The following MAPK9 variants were observed in gnomAD, a reference collection of about 807,000 sequenced individuals.
The protein encoded by MAPK9 is mitogen-activated protein kinase 9.
A neutral mutation model predicts 57.1 loss-of-function variants in MAPK9; 30 were observed. That is an observed-to-expected ratio of 0.53 (90% CI 0.39 to 0.71). MAPK9 has a LOEUF of 0.71. Among genes scored for constraint, MAPK9 ranks in the 30% least tolerant of loss-of-function variants. MAPK9 has a pLI of 0.00. For missense variants in MAPK9, 362 were observed against 521.0 expected (o/e 0.69, Z 2.97); for synonymous variants, 155 against 177.0 (o/e 0.88, Z 0.99).
At chr5:180,282,206 T>C (rs1581311943) in intron 1 of MAPK9, among the ~76,000 whole-genome samples, 1 of 152,236 alleles carries the variant, frequency 6.6e-6, no homozygotes, top group Non-Finnish European at 1.5e-5. Flanking sequence ...TGCTGCTCCA[T>C]TTTACTGATA....
chr5:180,266,968 G>A (rs943277028), intron 3 of MAPK9, among the ~76,000 whole-genome samples: 1 of 152,160 alleles, frequency 6.6e-6, no homozygotes, highest in African/African-American at 2.4e-5. Flanking sequence ...GCGGCTGGCA[G>A]TCTCTTAAAT....
intron 1 of MAPK9, chr5:180,286,870 G>A (rs946107201): frequency 6.6e-6 from 1 of 152,220 alleles, no homozygotes; most frequent in African/African-American, 2.4e-5. Flanking sequence ...TTTTAATAGT[G>A]CCAAACTAGA....
intron 2 of MAPK9, among the ~76,000 whole-genome samples, chr5:180,271,041 G>C (rs990178348): frequency 2.6e-5 from 4 of 151,858 alleles, no homozygotes; most frequent in Admixed American, 2.6e-4. Flanking sequence ...ATTGATGAGA[G>C]TAGATTTGTT....
At chr5:180,267,283 C>T (rs11750373) in intron 3 of MAPK9, among the ~76,000 whole-genome samples, 16,596 of 151,748 alleles carry the variant, frequency 0.11, 1,000 homozygotes, top group East Asian at 0.16. Flanking sequence ...AAAACAAGTC[C>T]GGGTGCGGTG....
chr5:180,236,743 G>A, intron 11 of MAPK9: 2 of 422,392 alleles, frequency 4.7e-6, no homozygotes, highest in Admixed American at 4.0e-5. Flanking sequence ...TTCCTTGCAA[G>A]ATTCTTCTTT....
rs73811347 is a variant in MAPK9 at position 180,280,657 on chromosome 5, G to A, written c.-47-49C>T. 7.4e-5 allele frequency: 108 copies of A among 1,450,006 alleles called. No homozygotes were observed. The African/African-American group carries it at 1.1e-3, about 15-fold the overall frequency. 89.8% of individuals were successfully genotyped at this position (1,450,006 alleles called of 1,614,324 possible). Reference sequence around the variant, plus strand: ...GTGCATTCTTACCGGAAGTACATACGCAGCTCACGTAAGAGAGTTCTGAAC... The same window carrying A: ...GTGCATTCTTACCGGAAGTACATACACAGCTCACGTAAGAGAGTTCTGAAC... On this transcript the variant is annotated intron_variant, in intron 1 of 11. Coordinates refer to ENST00000452135, the MANE Select transcript of MAPK9 (RefSeq NM_002752.5).
intron 2 of MAPK9, among the ~76,000 whole-genome samples, chr5:180,271,438 ACCT>A (rs929793064): frequency 1.1e-4 from 17 of 151,676 alleles, no homozygotes; most frequent in Admixed American, 3.9e-4. Context: ...AATCGCCAAC[ACCT>A]CCTATTTTTT....
intron 5 of MAPK9, among the ~76,000 whole-genome samples, chr5:180,259,992 A>C (rs1408829369): frequency 6.6e-6 from 1 of 152,272 alleles, no homozygotes; most frequent in Non-Finnish European, 1.5e-5. Flanking sequence ...CGTATAATTT[A>C]CATAACATGC....
chr5:180,250,780 A>G lies in MAPK9; in HGVS notation c.451-1642T>C, dbSNP rs1758593771. ...TACCTGGCCCCAAAAAGAGGCCCCC[A>G]GCCCCTCCATTCCACCTTAGAGTAC... On this transcript the variant is annotated intron_variant, in intron 5 of 11. Transcript: ENST00000452135. Among the ~76,000 whole-genome samples the G allele has an allele frequency of 2.6e-5, 4 of 152,180 alleles. 1 individual carries two copies. Among genetic ancestry groups the G allele is most frequent in the Admixed American group, 2.6e-4 (4 of 15,278 alleles).
At chr5:180,285,607 CCGA>C (rs1238697173) in intron 1 of MAPK9, among the ~76,000 whole-genome samples, 1 of 152,090 alleles carries the variant, frequency 6.6e-6, no homozygotes, top group African/African-American at 2.4e-5. Flanking sequence ...ATGCTTGCTG[CCGA>C]CATTTTTTTC....
In MAPK9 at chr5:180,236,342, G is replaced by C. The variant is rs760918408; in HGVS notation, c.*42C>G. The C allele has an allele frequency of 6.4e-7, 1 of 1,567,386 alleles. No individual in the cohort carries two copies. The highest frequency in any genetic ancestry group is 1.2e-5 in the South Asian group (1 of 85,624). ...CCAAGCATTTCAGGCCCACGGAGGT[G>C]AGAGTTCCTTCAATGCTGACAGGTT... On this transcript the variant is annotated 3_prime_UTR_variant, in exon 12 of 12. Transcript: ENST00000452135.
chr5:180,270,868 A>AAAAAAAGAAAAAG (rs1466941482), intron 2 of MAPK9, among the ~76,000 whole-genome samples: 1 of 137,568 alleles, frequency 7.3e-6, no homozygotes, highest in African/African-American at 3.1e-5. Flanking sequence ...CAAAAAAAAA[A>AAAAAAAGAAAAAG]AAAAAGAAAA....
chr5:180,284,726 T>C (rs904291353), intron 1 of MAPK9, among the ~76,000 whole-genome samples: 6 of 152,218 alleles, frequency 3.9e-5, no homozygotes, highest in East Asian at 3.8e-4. Flanking sequence ...GGCAAAAAAC[T>C]AGAAGTAATC....
intron 5 of MAPK9, among the ~76,000 whole-genome samples, chr5:180,250,138 G>A (rs972431582): frequency 6.6e-6 from 1 of 152,144 alleles, no homozygotes; most frequent in East Asian, 1.9e-4. Flanking sequence ...TCCCTCCCCA[G>A]TGCTGACTCT....
chr5:180,258,797 C>A (rs1759581870), intron 5 of MAPK9, among the ~76,000 whole-genome samples: 1 of 146,044 alleles, frequency 6.8e-6, no homozygotes, highest in Non-Finnish European at 1.5e-5. Context: ...GAGGCTGAGG[C>A]AGGCAGATCA....
At chr5:180,278,074 A>G (rs1761981721) in intron 2 of MAPK9, among the ~76,000 whole-genome samples, 1 of 152,224 alleles carries the variant, frequency 6.6e-6, no homozygotes, top group Non-Finnish European at 1.5e-5. Flanking sequence ...TGTTTAGTGA[A>G]TATTTGTTCA....
At chr5:180,291,279 A>T (rs564509963) in intron 1 of MAPK9, among the ~76,000 whole-genome samples, 1 of 142,146 alleles carries the variant, frequency 7.0e-6, no homozygotes, top group South Asian at 2.4e-4. Flanking sequence ...GTGCAATGAC[A>T]AGGCAAGAGA....
chr5:180,292,003 G>A lies in MAPK9; in HGVS notation c.-203C>T, dbSNP rs535296084. 2 of 157,798 alleles carry A rather than the reference G, an allele frequency of 1.3e-5. No individual in the cohort carries two copies. The highest frequency in any genetic ancestry group is 1.8e-4 in the East Asian group (1 of 5,428). 9.8% of individuals were successfully genotyped at this position (157,798 alleles called of 1,614,324 possible). Reference sequence around the variant, plus strand: ...CGCCGCCGCCGCCGCCGCCGCAGTGGGTGTGAGGGGCGCCGGGGCGCTGCG... The same window carrying A: ...CGCCGCCGCCGCCGCCGCCGCAGTGAGTGTGAGGGGCGCCGGGGCGCTGCG... On this transcript the variant is annotated 5_prime_UTR_variant, in exon 1 of 12. Transcript: ENST00000452135.
intron 4 of MAPK9, among the ~76,000 whole-genome samples, chr5:180,263,662 T>C (rs1000392086): frequency 6.6e-6 from 1 of 151,696 alleles, no homozygotes; most frequent in African/African-American, 2.4e-5. Flanking sequence ...CTGTTCCTTC[T>C]ATCTCCATTC....
Sources: gnomAD v4.1 joint callset for allele counts (sites outside exome capture counted in the v4.1 genomes callset) on GRCh38, gnomAD v4.1.1 for gene constraint, MANE v1.5 for transcripts, NCBI Gene and HGNC (gene_info 2026-07-23, HGNC 2026-07-21) for gene names.